Variants in RAB3GAP2 observed in about 807,000 individuals in gnomAD.
RAB3GAP2 encodes rab3 GTPase-activating protein non-catalytic subunit.
RAB3GAP2 carries 87 observed loss-of-function variants against 185.3 expected under a neutral mutation model. The ratio of observed to expected loss-of-function variants is 0.47; its 90% CI spans 0.39 to 0.56. The LOEUF is 0.56. Ranked by LOEUF, RAB3GAP2 falls within the 20% of genes least tolerant of loss-of-function variation. The probability of loss-of-function intolerance (pLI) is 0.00; values close to 1 mark genes in which losing one functional copy is unlikely to be tolerated. For missense variants in RAB3GAP2, 1,492 were observed against 1,638.2 expected (o/e 0.91, Z 1.54); for synonymous variants, 554 against 576.1 (o/e 0.96, Z 0.55).
chr1:220,243,150 C>T (rs541050570), intron 1 of RAB3GAP2, among the ~76,000 whole-genome samples: 6 of 152,034 alleles, frequency 3.9e-5, no homozygotes, highest in African/African-American at 1.2e-4. Context: ...GTCAGGAGAT[C>T]GAGACCATCC....
rs767331869 is a variant in RAB3GAP2 at position 220,167,394 on chromosome 1, G to A, written c.2986C>T (p.Leu996=). The A allele has an allele frequency of 5.0e-6, 8 of 1,614,100 alleles. No individual in the cohort carries two copies. The Middle Eastern group carries it at 6.6e-4, about 133-fold the overall frequency. Residue 996 remains leucine (L), a synonymous_variant, in exon 26 of 35, where the codon CTG becomes TTG. Transcript: ENST00000358951. The part of the protein sequence containing the change: ...EMDLGAIPDL[L]HLAYEQFPCS... ...GGAAACTGCTCATAGGCTAAATGCA[G>A]TAAGTCTGAAAGTCAGAAGAAAGCA...
chr1:220,187,428 A>C (rs979610130), intron 17 of RAB3GAP2, among the ~76,000 whole-genome samples: 1 of 152,064 alleles, frequency 6.6e-6, no homozygotes, highest in Non-Finnish European at 1.5e-5. Flanking sequence ...TTTTCTAATG[A>C]GGCCACTCAT....
At chr1:220,200,499 T>C (rs775609923) in intron 9 of RAB3GAP2, 6 of 490,876 alleles carry the variant, frequency 1.2e-5, no homozygotes, top group African/African-American at 1.2e-4. Flanking sequence ...TAACCAGACC[T>C]CTACATAAAG....
intron 21 of RAB3GAP2, among the ~76,000 whole-genome samples, chr1:220,174,857 G>A (rs1658257902): frequency 6.6e-6 from 1 of 152,070 alleles, no homozygotes; most frequent in Non-Finnish European, 1.5e-5. Context: ...CCTTCCACTT[G>A]CAACCCAATA....
In RAB3GAP2 at chr1:220,232,856, T is replaced by C. The variant is rs769041333; in HGVS notation, c.123A>G (p.Ser41=). The C allele has an allele frequency of 6.8e-6, 11 of 1,613,612 alleles. No individual in the cohort carries two copies. The South Asian group carries it at 1.2e-4, about 18-fold the overall frequency. The change falls in exon 2 of 35, where the codon TCA becomes TCG. Residue 41 remains serine, a synonymous_variant. Transcript: ENST00000358951. ...CCCAACCATCATCTTCCCAGTCTGT[T>C]GATTTACCTGTTTTTAAAAAGATGA... ...SGALRRDPSK[S]TDWEDDGWGA...
intron 2 of RAB3GAP2, among the ~76,000 whole-genome samples, chr1:220,229,884 G>A (rs544056870): frequency 6.6e-6 from 1 of 152,258 alleles, no homozygotes; most frequent in African/African-American, 2.4e-5. Context: ...AGTCTCTTAC[G>A]TTATTCATAG....
intron 2 of RAB3GAP2, among the ~76,000 whole-genome samples, chr1:220,223,493 ATTAAT>A (rs1482488970): frequency 7.2e-5 from 11 of 152,194 alleles, no homozygotes; most frequent in African/African-American, 2.7e-4. Flanking sequence ...AACTTTACCC[ATTAAT>A]TTAAAATATA....
At chr1:220,153,719 T>G in intron 32 of RAB3GAP2, 1 of 452,748 alleles carries the variant, frequency 2.2e-6, no homozygotes, top group Non-Finnish European at 4.0e-6. Context: ...ATCATTTACA[T>G]TAGGTATATC....
intron 21 of RAB3GAP2, among the ~76,000 whole-genome samples, chr1:220,182,049 GA>G (rs375756461): frequency 2.2e-4 from 31 of 143,934 alleles, no homozygotes; most frequent in South Asian, 6.7e-4. Flanking sequence ...CAAAGTAAAA[GA>G]AAAAAAAAAT....
chr1:220,268,999 C>T (rs1457950197), intron 1 of RAB3GAP2, among the ~76,000 whole-genome samples: 2 of 152,158 alleles, frequency 1.3e-5, no homozygotes, highest in Non-Finnish European at 2.9e-5. Flanking sequence ...GGCTCAATAA[C>T]CACATGTGCC....
At chr1:220,240,238 C>T (rs1162111415) in intron 1 of RAB3GAP2, among the ~76,000 whole-genome samples, 2 of 152,108 alleles carry the variant, frequency 1.3e-5, no homozygotes, top group African/African-American at 4.8e-5. Flanking sequence ...CATGTTACAA[C>T]TGTATTACAT....
intron 31 of RAB3GAP2, 64 bp from the exon 32 acceptor site, chr1:220,154,121 ATTTG>A: frequency 2.5e-6 from 4 of 1,595,174 alleles, no homozygotes; most frequent in Non-Finnish European, 3.4e-6. Context: ...AGGGAGAAAG[ATTTG>A]TTTAAAACTT....
chr1:220,182,146 T>G (rs1369733531), intron 21 of RAB3GAP2, 111 bp downstream of exon 21: 2 of 1,542,590 alleles, frequency 1.3e-6, no homozygotes, highest in East Asian at 2.3e-5. Context: ...AAAGTTTTCA[T>G]GGACATTCTG....
Position 220,210,997 on chromosome 1 carries a change from CATT to C in RAB3GAP2, c.389_391del (p.Glu130_Cys131delinsGly), listed in dbSNP as rs1558157057. 1 of 1,613,426 alleles carries C rather than the reference CATT, an allele frequency of 6.2e-7. No individual in the cohort carries two copies. The highest frequency in any genetic ancestry group is 8.5e-7 in the Non-Finnish European group (1 of 1,179,796). ...TGGGATACATAGAGCACTGGTTACA[CATT>C]CCCTAAAAACAAAAACAAAATCATA... is the stretch of plus-strand genomic sequence containing the variant. On this transcript the variant is annotated inframe_deletion and splice_region_variant, in exon 5 of 35. Coordinates refer to ENST00000358951, the MANE Select transcript of RAB3GAP2 (RefSeq NM_012414.4).
chr1:220,175,268 T>C lies in RAB3GAP2; in HGVS notation c.2311-2526A>G, dbSNP rs1319553088. 2.0e-5 allele frequency among the ~76,000 whole-genome samples: 3 copies of C among 152,030 alleles called. No individual in the cohort carries two copies. In the East Asian group the frequency reaches 5.8e-4, roughly 29 times the overall value. On this transcript the variant is annotated intron_variant, in intron 21 of 34. Transcript: ENST00000358951. ...TTGAGACAGAGTCTCACTCTGTTAT[T>C]TAGGTTGGAGTGCAGTGGCGCGATC...
intron 26 of RAB3GAP2, 43 bp from the exon 27 acceptor site, chr1:220,164,842 C>A (rs189003299): frequency 7.1e-6 from 11 of 1,558,822 alleles, no homozygotes; most frequent in East Asian, 4.6e-5. Context: ...AAAGAGGTAT[C>A]ATTTAATAGG....
chr1:220,156,146 T>A (rs1657853023), intron 31 of RAB3GAP2, among the ~76,000 whole-genome samples: 1 of 152,128 alleles, frequency 6.6e-6, no homozygotes, highest in African/African-American at 2.4e-5. Flanking sequence ...TGACAGGGTT[T>A]CACCATGTTG....
At chr1:220,261,167 AT>A (rs1279609975) in intron 1 of RAB3GAP2, among the ~76,000 whole-genome samples, 1 of 152,160 alleles carries the variant, frequency 6.6e-6, no homozygotes, top group African/African-American at 2.4e-5. Flanking sequence ...TTAGACTCAC[AT>A]TGTACAAAGA....
At position 220,272,415 on chromosome 1, in the gene RAB3GAP2, G is replaced by GC; in HGVS notation, c.-79_-78insG. On this transcript the variant is annotated 5_prime_UTR_variant, in exon 1 of 35. Coordinates refer to ENST00000358951, the MANE Select transcript of RAB3GAP2 (RefSeq NM_012414.4). Reference sequence around the variant, plus strand: ...CCTCCACCCCACTGCGGCCGCCACCGAGCCCCAATAGCTCTAGCCAAGCAG... The same window carrying GC: ...CCTCCACCCCACTGCGGCCGCCACCGCAGCCCCAATAGCTCTAGCCAAGCAG... The GC allele has an allele frequency of 2.1e-6, 2 of 962,352 alleles. No homozygotes were observed. The highest frequency in any genetic ancestry group is 2.0e-5 in the Admixed American group (1 of 50,032). The allele number at this position is 962,352 out of a possible 1,614,324, so 59.6% of individuals were successfully genotyped here.
Sources: gnomAD v4.1 joint callset for allele counts (sites outside exome capture counted in the v4.1 genomes callset) on GRCh38, gnomAD v4.1.1 for gene constraint, MANE v1.5 for transcripts, NCBI Gene and HGNC (gene_info 2026-07-23, HGNC 2026-07-21) for gene names.